Variants in SIN3B observed in about 807,000 individuals in gnomAD.
SIN3B encodes paired amphipathic helix protein Sin3b.
A neutral mutation model predicts 120.2 loss-of-function variants in SIN3B; 19 were observed. That is an observed-to-expected ratio of 0.16 (90% confidence interval 0.11 to 0.23). SIN3B has a LOEUF of 0.23. Ranked by LOEUF, SIN3B falls within the 10% of genes least tolerant of loss-of-function variation. The pLI is 1.00. For synonymous variants in SIN3B, 654 were observed against 653.2 expected, an observed-to-expected ratio of 1.00 and a Z score of -0.02; for missense variants, 1,073 against 1,573.0, an observed-to-expected ratio of 0.68 and a Z score of 5.38.
At chr19:16,867,984 G>A (rs932547342) in intron 12 of SIN3B, among the ~76,000 whole-genome samples, 4 of 152,182 alleles carry the variant, frequency 2.6e-5, no homozygotes, top group Non-Finnish European at 4.4e-5. Flanking sequence ...CCTCCCTGGG[G>A]CTGGGGCTGA....
Position 16,876,235 on chromosome 19 carries a change from G to A in SIN3B, c.2766+7G>A, listed in dbSNP as rs754523867. ...CGACGAGAACTGCTTCAAGGTGAGA[G>A]GAGGCCTGGGGCTGGGAACACGCCG... On this transcript the variant is annotated splice_region_variant and intron_variant, in intron 15 of 18. Coordinates refer to ENST00000248054, the MANE Select transcript of SIN3B (RefSeq NM_001297595.2). The surrounding 1 kb of genome is among the most constrained non-coding windows in gnomAD (Gnocchi z 7.1). The A allele has an allele frequency of 1.2e-6, 2 of 1,605,208 alleles. No homozygotes were observed. Among genetic ancestry groups the A allele is most frequent in the Non-Finnish European group, 1.7e-6 (2 of 1,174,126 alleles).
intron 18 of SIN3B, 42 bp from the exon 19 acceptor site, chr19:16,878,455 G>T: frequency 1.3e-6 from 2 of 1,572,478 alleles, no homozygotes; most frequent in Non-Finnish European, 1.7e-6. Context: ...GGGCCCTGGG[G>T]GTCCAGCCCT....
intron 6 of SIN3B, among the ~76,000 whole-genome samples, 158 bp from the exon 7 acceptor site, chr19:16,852,911 T>C (rs1971563949): frequency 6.6e-6 from 1 of 152,160 alleles, no homozygotes; most frequent in Non-Finnish European, 1.5e-5. Flanking sequence ...TCAGGGGTCC[T>C]GGGTAACTGA....
Position 16,869,894 on chromosome 19 carries a change from C to T in SIN3B, c.2241C>T (p.Asn747=). 1.2e-6 allele frequency: 2 copies of T among 1,614,252 alleles called. No individual in the cohort carries two copies. Among genetic ancestry groups the T allele is most frequent in the East Asian group, 4.5e-5 (2 of 44,880 alleles). ...TCTACAGCCTATTTTTTGCCAACAACAACTGGTACTTCTTCCTGCGCCTGC... is the reference window on the plus strand; with the variant it reads ...TCTACAGCCTATTTTTTGCCAACAATAACTGGTACTTCTTCCTGCGCCTGC... The part of the protein sequence containing the change: ...DDVYSLFFAN[N]NWYFFLRLHQ... Residue 747 remains asparagine (N), a synonymous_variant, in exon 13 of 19, where the codon AAC becomes AAT. Coordinates refer to ENST00000248054, the MANE Select transcript of SIN3B (RefSeq NM_001297595.2).
intron 3 of SIN3B, among the ~76,000 whole-genome samples, chr19:16,835,503 T>G (rs1487329787): frequency 6.6e-6 from 1 of 150,470 alleles, no homozygotes; most frequent in East Asian, 2.0e-4. Context: ...TTCTTTTTTT[T>G]TTTTTTTTTA....
rs2051678825 is a variant in SIN3B at position 16,880,336 on chromosome 19, T to C, written c.*1609T>C. 6.6e-6 allele frequency: 1 copy of C among 152,262 alleles called. No homozygotes were observed. The highest frequency in any genetic ancestry group is 2.4e-5 in the African/African-American group (1 of 41,462). The allele number at this position is 152,262 out of a possible 1,614,324, so 9.4% of individuals were successfully genotyped here. ...CTATTTATTTGCACATTAAAGTTAA[T>C]AATTGAATATTGACATCAAGCCGTG... On this transcript the variant is annotated 3_prime_UTR_variant, in exon 19 of 19. Coordinates refer to ENST00000248054, the MANE Select transcript of SIN3B (RefSeq NM_001297595.2).
intron 4 of SIN3B, chr19:16,844,001 T>TC (rs1328419809): frequency 1.1e-4 from 16 of 152,372 alleles, no homozygotes; most frequent in African/African-American, 3.9e-4. Flanking sequence ...AGGCGCTCAC[T>TC]CCGACGCCCA....
intron 3 of SIN3B, among the ~76,000 whole-genome samples, chr19:16,834,922 C>CTT (rs541788015): frequency 5.7e-5 from 8 of 140,650 alleles, no homozygotes; most frequent in Admixed American, 1.4e-4. Context: ...TCTTTTCTTT[C>CTT]TTTTTTTTTT....
chr19:16,847,195 C>A, intron 5 of SIN3B, 82 bp downstream of exon 5: 3 of 1,490,204 alleles, frequency 2.0e-6, no homozygotes, highest in Non-Finnish European at 2.7e-6. Context: ...ATGTCCGGGC[C>A]AAGCCTATGT....
At position 16,831,559 on chromosome 19, in the gene SIN3B, T is replaced by G; in HGVS notation, c.293T>G (p.Val98Gly). Reference protein sequence around the residue: ...QLFHEHPDLIVGFNAFLPLGY... With the variant: ...QLFHEHPDLIGGFNAFLPLGY... ...TTCCACGAGCACCCTGACCTCATTGTTGGATTCAACGCTTTTCTTCCCCTC... is the reference window on the plus strand; with the variant it reads ...TTCCACGAGCACCCTGACCTCATTGGTGGATTCAACGCTTTTCTTCCCCTC... Residue 98 changes from valine to glycine, a missense_variant, in exon 3 of 19, where the codon GTT (valine) becomes GGT (glycine). This residue lies in a region of SIN3B where 395 missense variants were observed against 528.0 expected (regional missense o/e 0.75). Transcript: ENST00000248054. The G allele has an allele frequency of 6.2e-7, 1 of 1,614,074 alleles. No homozygotes were observed. The highest frequency in any genetic ancestry group is 1.1e-5 in the South Asian group (1 of 91,082).
At chr19:16,874,810 A>G (rs1224245738) in intron 14 of SIN3B, among the ~76,000 whole-genome samples, 24 of 116,474 alleles carry the variant, frequency 2.1e-4, no homozygotes, top group South Asian at 5.8e-4. Context: ...GTCTGATCTG[A>G]TCTGGTCTGG....
chr19:16,863,809 C>T lies in SIN3B; in HGVS notation c.1383+13C>T. ...CGAGCGCTTCGAGGTGTGTGTGCTG[C>T]TGTGGCCGGGTCCCCCGGCATGTGC... On this transcript the variant is annotated intron_variant, in intron 10 of 18. Coordinates refer to ENST00000248054, the MANE Select transcript of SIN3B (RefSeq NM_001297595.2). 1 of 1,595,846 alleles carries T rather than the reference C, an allele frequency of 6.3e-7. No homozygotes were observed. Among genetic ancestry groups the T allele is most frequent in the Non-Finnish European group, 8.6e-7 (1 of 1,164,294 alleles).
intron 6 of SIN3B, among the ~76,000 whole-genome samples, chr19:16,852,196 G>A (rs886744422): frequency 6.6e-6 from 1 of 151,698 alleles, no homozygotes; most frequent in Admixed American, 6.6e-5. Flanking sequence ...GCGCGATCTC[G>A]GCTCACTGCA....
chr19:16,871,275 G>A lies in SIN3B; in HGVS notation c.2469G>A (p.Val823=), dbSNP rs960947190. 2.5e-6 allele frequency: 4 copies of A among 1,614,090 alleles called. No individual in the cohort carries two copies. The highest frequency in any genetic ancestry group is 2.5e-6 in the Non-Finnish European group (3 of 1,180,056). ...EEYYPAFLDM[V]RSLLEGSIDP... is the part of the protein sequence containing the mutation. ...ACTACCCGGCCTTCCTGGACATGGT[G>A]CGGAGCCTGCTGGAGGGCAGCATCG... Residue 823 remains valine, a synonymous_variant, in exon 14 of 19, where the codon GTG becomes GTA. Transcript: ENST00000248054.
At chr19:16,854,301 G>A in intron 8 of SIN3B, 40 bp downstream of exon 8, 3 of 1,321,930 alleles carry the variant, frequency 2.3e-6, no homozygotes, top group East Asian at 4.8e-5. Flanking sequence ...GGGGGGTTCT[G>A]TTCCTGTCAA....
chr19:16,829,737 C>T, intron 1 of SIN3B, 54 bp from the exon 2 acceptor site: 2 of 1,509,552 alleles, frequency 1.3e-6, no homozygotes, highest in Non-Finnish European at 1.8e-6. Flanking sequence ...ACCCCGGCCC[C>T]TCGTCCCCTC....
In SIN3B at chr19:16,876,621, G is replaced by T; in HGVS notation, c.2859+43G>T. On this transcript the variant is annotated intron_variant, in intron 16 of 18. Transcript: ENST00000248054. This position sits in a 1 kb window ranked among gnomAD's most constrained non-coding sequence, Gnocchi z 7.1. Reference sequence around the variant, plus strand: ...GTCTGTGCCACGCATACCAGGGAGCGCCTGAGGGCAGCAGCATGGGGCTCC... The same window carrying T: ...GTCTGTGCCACGCATACCAGGGAGCTCCTGAGGGCAGCAGCATGGGGCTCC... 1 of 1,509,252 alleles carries T rather than the reference G, an allele frequency of 6.6e-7. No homozygotes were observed. Among genetic ancestry groups the T allele is most frequent in the Non-Finnish European group, 9.2e-7 (1 of 1,091,170 alleles). The allele number at this position is 1,509,252 out of a possible 1,614,324, so 93.5% of individuals were successfully genotyped here.
In SIN3B at chr19:16,831,438, T is replaced by G; in HGVS notation, c.228-56T>G. 3.2e-6 allele frequency: 5 copies of G among 1,553,178 alleles called. No homozygotes were observed. The South Asian group carries it at 5.7e-5, about 18-fold the overall frequency. The stretch of plus-strand genomic sequence containing the variant: ...AGTATCAAGGGAGTGGGGAATAGAT[T>G]ATATTTTTCATTTATTTCCCAAGAC... On this transcript the variant is annotated intron_variant, in intron 2 of 18. Transcript: ENST00000248054.
intron 14 of SIN3B, among the ~76,000 whole-genome samples, chr19:16,873,523 C>A (rs1599615350): frequency 3.2e-5 from 1 of 31,296 alleles, no homozygotes; most frequent in Non-Finnish European, 6.1e-5. Context: ...TCTGTCCCCT[C>A]CCCCCCCCCC....
Sources: allele counts gnomAD v4.1 joint callset (sites outside exome capture counted in the v4.1 genomes callset), GRCh38; gene constraint gnomAD v4.1.1; regional missense constraint gnomAD v4.1.1; non-coding constraint Gnocchi (gnomAD v3.1); transcripts MANE v1.5; gene names NCBI Gene and HGNC (gene_info 2026-07-23, HGNC 2026-07-21).